COL18A1: variants seen among roughly 807,000 people sequenced by gnomAD.
COL18A1 encodes the protein collagen alpha-1(XVIII) chain.
COL18A1 carries 133 observed loss-of-function variants against 168.0 expected under a neutral mutation model. The ratio of observed to expected loss-of-function variants is 0.79; its 90% confidence interval spans 0.69 to 0.91. The LOEUF (loss-of-function observed/expected upper bound fraction) is 0.91, where lower values mean the gene tolerates loss of function less well. COL18A1 is among the 40% of genes least tolerant of loss of function. COL18A1 has a pLI of 0.00. For synonymous variants in COL18A1, 949 were observed against 809.0 expected (o/e 1.17, Z -2.94); for missense variants, 2,126 against 1,925.4 (o/e 1.10, Z -1.95).
In COL18A1 at chr21:45,498,685, A is replaced by G; in HGVS notation, c.2683+1024A>G. ...TGCCCATGCCAGCCTTGGATCTCTC[A>G]GCGTCACACACGACGCCCAGGAAGG... On this transcript the variant is annotated intron_variant, in intron 32 of 41. Coordinates refer to ENST00000651438, the MANE Select transcript of COL18A1 (RefSeq NM_001379500.1). This position sits in a 1 kb window ranked among gnomAD's most constrained non-coding sequence, Gnocchi z 4.5. 1.5e-6 allele frequency: 1 copy of G among 662,202 alleles called. No homozygotes were observed. The highest frequency in any genetic ancestry group is 1.7e-5 in the South Asian group (1 of 59,854). 41.0% of individuals were successfully genotyped at this position (662,202 alleles called of 1,614,324 possible). A position where few individuals can be genotyped will look rare whatever the true frequency, so the allele number is the denominator to read the frequency against.
Position 45,482,394 on chromosome 21 carries a change from C to CG in COL18A1, c.1674+370dup, listed in dbSNP as rs770593721. 8 of 626,568 alleles carry CG rather than the reference C, an allele frequency of 1.3e-5. No individual in the cohort carries two copies. The Admixed American group carries it at 1.7e-4, about 13-fold the overall frequency. 38.8% of individuals were successfully genotyped at this position (626,568 alleles called of 1,614,324 possible). On this transcript the variant is annotated intron_variant, in intron 14 of 41. Coordinates refer to ENST00000651438, the MANE Select transcript of COL18A1 (RefSeq NM_001379500.1). ...GGGTGGACCTGGCGGGAGTCGCCTG[C>CG]GTCTGGCCCCCTGGGGAGCGGTCTC...
chr21:45,503,031 A>G (rs966731409), intron 32 of COL18A1: 7 of 152,276 alleles, frequency 4.6e-5, no homozygotes, highest in African/African-American at 1.7e-4. Flanking sequence ...CAATAAACAT[A>G]CGTGTGCATG....
intron 2 of COL18A1, among the ~76,000 whole-genome samples, chr21:45,448,464 A>G (rs1358297530): frequency 6.6e-6 from 1 of 152,202 alleles, no homozygotes; most frequent in East Asian, 1.9e-4. Flanking sequence ...CATAATCCAC[A>G]TGCAGTCCAC....
In COL18A1 at chr21:45,512,221, C is replaced by T; in HGVS notation, c.3843C>T (p.Pro1281=). Residue 1281 remains proline (P), a synonymous_variant, in exon 42 of 42, where the codon CCC becomes CCT. Coordinates refer to ENST00000651438, the MANE Select transcript of COL18A1 (RefSeq NM_001379500.1). ...PQKSVWHGSD[P]NGRRLTESYC... is the part of the protein sequence containing the mutation. ...AGAGCGTGTGGCATGGCTCGGACCC[C>T]AACGGGCGCAGGCTGACCGAGAGCT... The T allele has an allele frequency of 6.2e-7, 1 of 1,612,508 alleles. No individual in the cohort carries two copies. Among genetic ancestry groups the T allele is most frequent in the Middle Eastern group, 1.7e-4 (1 of 6,060 alleles).
intron 2 of COL18A1, among the ~76,000 whole-genome samples, chr21:45,436,402 C>A (rs2034097421): frequency 6.6e-6 from 1 of 152,236 alleles, no homozygotes; most frequent in African/African-American, 2.4e-5. Flanking sequence ...GCCGCCGCCC[C>A]ATTGTGAATC....
intron 2 of COL18A1, among the ~76,000 whole-genome samples, chr21:45,448,646 A>G (rs564662793): frequency 4.0e-4 from 61 of 152,350 alleles, no homozygotes; most frequent in Non-Finnish European, 3.1e-4. Context: ...AAGAACAAGG[A>G]CATTCTCCCA....
chr21:45,445,806 T>C (rs1836873203), intron 2 of COL18A1, among the ~76,000 whole-genome samples: 1 of 152,238 alleles, frequency 6.6e-6, no homozygotes, highest in Non-Finnish European at 1.5e-5. Context: ...ATTGTCTTTT[T>C]GTTGTTGATT....
intron 2 of COL18A1, among the ~76,000 whole-genome samples, chr21:45,414,619 G>C (rs2033390398): frequency 6.6e-6 from 1 of 152,214 alleles, no homozygotes. Context: ...GCCATGCTCC[G>C]GGCATGTGGC....
In COL18A1 at chr21:45,491,393, C is replaced by CCA. The variant is rs1555869241; in HGVS notation, c.2157+79_2157+80insCA. 4.6e-4 allele frequency: 332 copies of CCA among 729,208 alleles called. 1 individual carries two copies. The highest frequency in any genetic ancestry group is 5.5e-4 in the Non-Finnish European group (221 of 404,202). 45.2% of individuals were successfully genotyped at this position (729,208 alleles called of 1,614,324 possible). A position where few individuals can be genotyped will look rare whatever the true frequency, so the allele number is the denominator to read the frequency against. On this transcript the variant is annotated intron_variant, in intron 22 of 41. Coordinates refer to ENST00000651438, the MANE Select transcript of COL18A1 (RefSeq NM_001379500.1). ...CAGAGATCCCTCCCCGAGCCCCCCC[C>CCA]ACACCCCCACATCCCCCAGGTCAGG...
intron 1 of COL18A1, 65 bp downstream of exon 1, chr21:45,405,306 T>TCC (rs2033047701): frequency 2.8e-5 from 18 of 645,726 alleles, no homozygotes; most frequent in East Asian, 2.2e-4. Context: ...GTCGCGGGGG[T>TCC]CGCGGGGCTC....
rs2236465 is a variant in COL18A1, at chr21:45,480,418, G to C, written c.1399-49G>C. 0.076 allele frequency: 122,756 copies of C among 1,613,646 alleles called. 6,174 individuals are homozygous for C. Among genetic ancestry groups the C allele is most frequent in the African/African-American group, 0.22 (16,854 of 74,980 alleles). On this transcript the variant is annotated intron_variant, in intron 11 of 41. Coordinates refer to ENST00000651438, the MANE Select transcript of COL18A1 (RefSeq NM_001379500.1). ...GGGGCAGGGGCCAGGAGTAGGCCAGGCGGGGGGCCGAGCTCAGGGCAACGT... is the reference window on the plus strand; with the variant it reads ...GGGGCAGGGGCCAGGAGTAGGCCAGCCGGGGGGCCGAGCTCAGGGCAACGT...
At chr21:45,414,629 C>T (rs1438061008) in intron 2 of COL18A1, among the ~76,000 whole-genome samples, 1 of 152,222 alleles carries the variant, frequency 6.6e-6, no homozygotes, top group East Asian at 1.9e-4. Context: ...GGGCATGTGG[C>T]CTGAGGGCCT....
chr21:45,470,490 T>G lies in COL18A1; in HGVS notation c.651+1704T>G, dbSNP rs61284820. Among the ~76,000 whole-genome samples, 296 of 145,216 alleles carry G rather than the reference T, an allele frequency of 2.0e-3. 1 individual carries two copies. The highest frequency in any genetic ancestry group is 7.2e-3 in the African/African-American group (285 of 39,606). On this transcript the variant is annotated intron_variant, in intron 3 of 41. Coordinates refer to ENST00000651438, the MANE Select transcript of COL18A1 (RefSeq NM_001379500.1). ...TGTGGTTTTTTTGTGGGTTTTTTTT[T>G]TGTTTTTTTTTTTTTAGATGGAATC...
chr21:45,494,290 T>C, intron 26 of COL18A1: 1 of 467,984 alleles, frequency 2.1e-6, no homozygotes, highest in South Asian at 2.0e-5. Flanking sequence ...TCCCGGGGCA[T>C]GCATGCACGC....
chr21:45,415,553 A>G (rs1404003263), intron 2 of COL18A1, among the ~76,000 whole-genome samples: 1 of 152,136 alleles, frequency 6.6e-6, no homozygotes, highest in Non-Finnish European at 1.5e-5. Context: ...CTTCCGGAAG[A>G]TGGATGCAGG....
chr21:45,494,624 A>G lies in COL18A1; in HGVS notation c.2379+53A>G, dbSNP rs2145999284. ...CTGAGCTCGGGCATGACGGCCCCCA[A>G]GGACACGGTCGCCCGCGGCTGCTGA... On this transcript the variant is annotated intron_variant, in intron 27 of 41. Transcript: ENST00000651438. 5 of 1,611,478 alleles carry G rather than the reference A, an allele frequency of 3.1e-6. 1 individual carries two copies. The highest frequency in any genetic ancestry group is 1.1e-5 in the South Asian group (1 of 91,052).
chr21:45,455,268 C>T (rs564126085), intron 2 of COL18A1, among the ~76,000 whole-genome samples: 15 of 152,352 alleles, frequency 9.8e-5, no homozygotes, highest in Non-Finnish European at 1.9e-4. Flanking sequence ...CACACAGCAC[C>T]CTCTGTCCTC....
At position 45,471,660 on chromosome 21, in the gene COL18A1, G is replaced by A. The variant is rs954628103; in HGVS notation, c.652-2235G>A. 5.9e-5 allele frequency among the ~76,000 whole-genome samples: 9 copies of A among 152,152 alleles called. No homozygotes were observed. Among genetic ancestry groups the A allele is most frequent in the African/African-American group, 7.2e-5 (3 of 41,428 alleles). Reference sequence around the variant, plus strand: ...TCTTGAGTCAGGTTTGTCAGTGGTCGTCTCCCGGGAAATCATGCACCCCTC... The same window carrying A: ...TCTTGAGTCAGGTTTGTCAGTGGTCATCTCCCGGGAAATCATGCACCCCTC... On this transcript the variant is annotated intron_variant, in intron 3 of 41. Coordinates refer to ENST00000651438, the MANE Select transcript of COL18A1 (RefSeq NM_001379500.1). This position sits in a 1 kb window ranked among gnomAD's most constrained non-coding sequence, Gnocchi z 4.4.
rs539409017 is a variant in COL18A1, at chr21:45,498,025, C to T, written c.2683+364C>T. On this transcript the variant is annotated intron_variant, in intron 32 of 41. Coordinates refer to ENST00000651438, the MANE Select transcript of COL18A1 (RefSeq NM_001379500.1). The surrounding 1 kb of genome is among the most constrained non-coding windows in gnomAD (Gnocchi z 4.5). ...GGGTCGGCACTGGAGGACCCTCTGT[C>T]GAGAAACTCTCCAGGGTTTCATGTG... 6.6e-6 allele frequency among the ~76,000 whole-genome samples: 1 copy of T among 152,288 alleles called. No homozygotes were observed. Among genetic ancestry groups the T allele is most frequent in the Admixed American group, 6.5e-5 (1 of 15,312 alleles).
Sources: gnomAD v4.1 joint callset for allele counts (sites outside exome capture counted in the v4.1 genomes callset) on GRCh38, gnomAD v4.1.1 for gene constraint, Gnocchi (gnomAD v3.1) non-coding constraint, MANE v1.5 for transcripts, NCBI Gene and HGNC (gene_info 2026-07-23, HGNC 2026-07-21) for gene names.